SGCZ: variants seen among roughly 807,000 people sequenced by gnomAD.
The protein encoded by SGCZ is zeta-sarcoglycan.
In SGCZ, 40 loss-of-function variants were observed where a neutral mutation model predicts 41.3. That is an observed-to-expected ratio of 0.97 (90% confidence interval 0.75 to 1.26). The LOEUF is 1.26. SGCZ is among the 50% of genes most tolerant of loss of function. The probability of loss-of-function intolerance (pLI) is 0.00; values close to 1 mark genes in which losing one functional copy is unlikely to be tolerated. For missense variants in SGCZ, 552 were observed against 369.8 expected, an observed-to-expected ratio of 1.49 and a Z score of -4.04; for synonymous variants, 206 against 137.5, an observed-to-expected ratio of 1.50 and a Z score of -3.49.
At chr8:14,631,694 C>T (rs1474276026) in intron 1 of SGCZ, among the ~76,000 whole-genome samples, 4 of 152,086 alleles carry the variant, frequency 2.6e-5, no homozygotes, top group African/African-American at 9.7e-5. Flanking sequence ...CATTGACTCT[C>T]ATGGTGAGGA....
chr8:14,842,298 G>C (rs1371553276), intron 1 of SGCZ, among the ~76,000 whole-genome samples: 1 of 151,422 alleles, frequency 6.6e-6, no homozygotes, highest in Non-Finnish European at 1.5e-5. Flanking sequence ...GTGGAATAAA[G>C]AGATTCAAAG....
At chr8:14,324,331 A>T in intron 2 of SGCZ, 127 bp from the exon 3 acceptor site, 1 of 699,754 alleles carries the variant, frequency 1.4e-6, no homozygotes, top group East Asian at 2.7e-5. Context: ...AAAATGAGAG[A>T]TTGAATCTAC....
chr8:14,225,007 T>C (rs750926149), intron 4 of SGCZ, among the ~76,000 whole-genome samples: 1 of 152,164 alleles, frequency 6.6e-6, no homozygotes, highest in Non-Finnish European at 1.5e-5. Context: ...TGACACTAAA[T>C]CAGCTTTGCC....
chr8:14,410,323 C>T (rs571646928), intron 2 of SGCZ, among the ~76,000 whole-genome samples: 110 of 151,570 alleles, frequency 7.3e-4, no homozygotes, highest in African/African-American at 2.4e-3. Context: ...TCTTAATATC[C>T]ACATTCTGAG....
At chr8:15,186,244 A>G (rs1050871541) in intron 1 of SGCZ, among the ~76,000 whole-genome samples, 1 of 136,998 alleles carries the variant, frequency 7.3e-6, no homozygotes, top group Admixed American at 7.7e-5. Flanking sequence ...CCTGGGCAAC[A>G]GAGGGAAGAT....
intron 1 of SGCZ, among the ~76,000 whole-genome samples, chr8:14,658,106 G>A (rs942696231): frequency 6.6e-6 from 1 of 152,138 alleles, no homozygotes; most frequent in African/African-American, 2.4e-5. Flanking sequence ...TGCAAAAGGA[G>A]CCACTCAGAG....
intron 5 of SGCZ, among the ~76,000 whole-genome samples, chr8:14,149,261 T>C (rs909113090): frequency 2.6e-5 from 4 of 152,104 alleles, no homozygotes; most frequent in African/African-American, 9.7e-5. Context: ...TTGCAGATTA[T>C]ATGATCTTAT....
intron 1 of SGCZ, among the ~76,000 whole-genome samples, chr8:14,989,030 A>C (rs1301484618): frequency 2.0e-5 from 3 of 152,220 alleles, no homozygotes; most frequent in African/African-American, 7.2e-5. Flanking sequence ...GGACTCTAAG[A>C]GTGTGGATTT....
intron 1 of SGCZ, among the ~76,000 whole-genome samples, chr8:15,097,529 A>C (rs1455984458): frequency 1.3e-5 from 2 of 151,888 alleles, no homozygotes; most frequent in Admixed American, 6.6e-5. Context: ...TGGGAGGATT[A>C]GTTGAATGCC....
At chr8:14,463,499 A>G (rs1800960799) in intron 2 of SGCZ, among the ~76,000 whole-genome samples, 2 of 151,534 alleles carry the variant, frequency 1.3e-5, no homozygotes, top group African/African-American at 2.4e-5. Flanking sequence ...CTAAAAATTA[A>G]TCAAAGACCC....
At chr8:14,479,967 A>G (rs1801489570) in intron 2 of SGCZ, among the ~76,000 whole-genome samples, 1 of 152,122 alleles carries the variant, frequency 6.6e-6, no homozygotes, top group African/African-American at 2.4e-5. Context: ...CTAGTCTCGA[A>G]TTCCTGACCT....
chr8:14,323,906 TC>T (rs1362752184), intron 3 of SGCZ, among the ~76,000 whole-genome samples, 196 bp downstream of exon 3: 1 of 152,086 alleles, frequency 6.6e-6, no homozygotes, highest in African/African-American at 2.4e-5. Context: ...TCAAAATGGT[TC>T]TCTAAGATTT....
chr8:14,789,957 G>C (rs1014254348), intron 1 of SGCZ, among the ~76,000 whole-genome samples: 1 of 151,980 alleles, frequency 6.6e-6, no homozygotes, highest in Non-Finnish European at 1.5e-5. Context: ...CGTATGTTTG[G>C]TGTTACATAA....
intron 1 of SGCZ, among the ~76,000 whole-genome samples, chr8:14,917,919 C>T (rs1174697805): frequency 6.6e-6 from 1 of 152,074 alleles, no homozygotes; most frequent in African/African-American, 2.4e-5. Context: ...AGTTATATTA[C>T]ATCATGTTAC....
intron 1 of SGCZ, among the ~76,000 whole-genome samples, chr8:14,667,580 C>T: frequency 1.3e-5 from 2 of 152,100 alleles, no homozygotes; most frequent in East Asian, 3.9e-4. Context: ...AAAAATATAA[C>T]ACTCTCTTTC....
At chr8:14,925,577 G>A (rs550369593) in intron 1 of SGCZ, among the ~76,000 whole-genome samples, 4 of 152,160 alleles carry the variant, frequency 2.6e-5, no homozygotes, top group African/African-American at 9.7e-5. Flanking sequence ...CAGCTTGCCC[G>A]TGTGGGTTGA....
At chr8:14,475,977 A>ATT (rs1279949341) in intron 2 of SGCZ, among the ~76,000 whole-genome samples, 4 of 143,208 alleles carry the variant, frequency 2.8e-5, no homozygotes, top group African/African-American at 1.0e-4. Context: ...ATGCCTAGCT[A>ATT]TTTTTTTTTT....
intron 1 of SGCZ, among the ~76,000 whole-genome samples, chr8:14,969,378 T>C (rs1801221619): frequency 1.3e-5 from 2 of 152,234 alleles, no homozygotes; most frequent in South Asian, 2.1e-4. Flanking sequence ...GACTTGTAAT[T>C]GATATAAACA....
At chr8:14,605,473 C>A (rs1053522203) in intron 1 of SGCZ, among the ~76,000 whole-genome samples, 1 of 152,052 alleles carries the variant, frequency 6.6e-6, no homozygotes, top group African/African-American at 2.4e-5. Context: ...CTATAGCCAC[C>A]CTGTTATGCT....
Sources: gnomAD v4.1 joint callset for allele counts (sites outside exome capture counted in the v4.1 genomes callset) on GRCh38, gnomAD v4.1.1 for gene constraint, MANE v1.5 for transcripts, NCBI Gene and HGNC (gene_info 2026-07-23, HGNC 2026-07-21) for gene names.